The following ARHGAP44 variants were observed in gnomAD, a reference collection of about 807,000 sequenced individuals.
ARHGAP44 encodes the protein Rho GTPase activating protein 44, also known as rho GTPase-activating protein 44.
Under a neutral mutation model 106.8 loss-of-function variants are expected in ARHGAP44, and 43 were observed. That is an observed-to-expected ratio of 0.40 (90% CI 0.32 to 0.52). The LOEUF is 0.52. Among genes scored for constraint, ARHGAP44 ranks in the 20% least tolerant of loss-of-function variants. The probability of loss-of-function intolerance (pLI) is 0.48; values close to 1 mark genes in which losing one functional copy is unlikely to be tolerated. For missense variants in ARHGAP44, 866 were observed against 1,050.5 expected, an observed-to-expected ratio of 0.82 and a Z score of 2.43; for synonymous variants, 439 against 410.3, an observed-to-expected ratio of 1.07 and a Z score of -0.85.
chr17:12,827,638 G>A (rs1251707603), intron 1 of ARHGAP44, among the ~76,000 whole-genome samples: 2 of 151,888 alleles, frequency 1.3e-5, no homozygotes, highest in Non-Finnish European at 2.9e-5. Flanking sequence ...ACTCCCTAGA[G>A]GTCTAATGTA....
chr17:12,986,875 A>G, intron 20 of ARHGAP44: 1 of 447,062 alleles, frequency 2.2e-6, no homozygotes, highest in Non-Finnish European at 4.0e-6. Context: ...TTCAGGATTC[A>G]TAATGTCCCT....
intron 20 of ARHGAP44, chr17:12,987,229 G>T: frequency 7.6e-7 from 1 of 1,307,730 alleles, no homozygotes. Flanking sequence ...TCCGCTCCTC[G>T]TCTCTGCATG....
At chr17:12,987,446 C>T (rs979418122) in intron 20 of ARHGAP44, 6 of 339,076 alleles carry the variant, frequency 1.8e-5, no homozygotes, top group East Asian at 5.1e-5. Flanking sequence ...CCTCCCCCTC[C>T]GCCCTCCCTC....
chr17:12,917,012 A>G (rs139890552), intron 5 of ARHGAP44, among the ~76,000 whole-genome samples: 14 of 152,264 alleles, frequency 9.2e-5, no homozygotes, highest in Non-Finnish European at 1.2e-4. Context: ...GAGATGCTCA[A>G]CCGGTAAATA....
At chr17:12,849,372 G>A (rs1000042668) in intron 1 of ARHGAP44, among the ~76,000 whole-genome samples, 5 of 152,038 alleles carry the variant, frequency 3.3e-5, no homozygotes, top group Admixed American at 6.5e-5. Context: ...AGCCTGACCC[G>A]TACCAATCTG....
chr17:12,829,695 T>G (rs1289632258), intron 1 of ARHGAP44, among the ~76,000 whole-genome samples: 1 of 152,210 alleles, frequency 6.6e-6, no homozygotes, highest in Non-Finnish European at 1.5e-5. Context: ...TACTCTTTTC[T>G]TCTTTTGCAT....
At chr17:12,918,361 T>A (rs974735613) in intron 5 of ARHGAP44, among the ~76,000 whole-genome samples, 1 of 152,190 alleles carries the variant, frequency 6.6e-6, no homozygotes, top group African/African-American at 2.4e-5. Flanking sequence ...CCTCGAATTT[T>A]TTCCTTATAT....
intron 1 of ARHGAP44, among the ~76,000 whole-genome samples, chr17:12,814,992 C>T (rs1298808694): frequency 2.0e-5 from 3 of 152,168 alleles, no homozygotes. Context: ...TCCTCACCTT[C>T]TCCCACCCCT....
Position 12,958,944 on chromosome 17 carries a change from G to T in ARHGAP44, c.1523+47G>T, listed in dbSNP as rs1296395988. ...TCAGCACTGGGGATTAGGGGAGGTG[G>T]TGGGGGTGGATGGGTGACGCATAAG... is the stretch of plus-strand genomic sequence containing the variant. On this transcript the variant is annotated intron_variant, in intron 16 of 20. Transcript: ENST00000379672. The surrounding 1 kb of genome is among the most constrained non-coding windows in gnomAD (Gnocchi z 4.1). 2.6e-6 allele frequency: 4 copies of T among 1,567,910 alleles called. No homozygotes were observed. In the African/African-American group the frequency reaches 4.0e-5, roughly 16 times the overall value.
chr17:12,810,024 GAAGCATTTA>G (rs1342120534), intron 1 of ARHGAP44, among the ~76,000 whole-genome samples: 4 of 152,170 alleles, frequency 2.6e-5, no homozygotes, highest in African/African-American at 9.7e-5. Context: ...GGGTGGAACT[GAAGCATTTA>G]ATCAGGGCAG....
At chr17:12,802,970 T>TATATATATATATA (rs1491437778) in intron 1 of ARHGAP44, among the ~76,000 whole-genome samples, 3 of 22,800 alleles carry the variant, frequency 1.3e-4, no homozygotes, top group Non-Finnish European at 2.3e-4. Context: ...TATATATATA[T>TATATATATATATA]TTTTTTTTTT....
intron 18 of ARHGAP44, among the ~76,000 whole-genome samples, chr17:12,975,752 C>T (rs903967724): frequency 3.5e-5 from 5 of 143,746 alleles, no homozygotes; most frequent in African/African-American, 1.3e-4. Context: ...GAGCCCGGAT[C>T]GCGCCACTGC....
chr17:12,828,496 T>C (rs546436675), intron 1 of ARHGAP44, among the ~76,000 whole-genome samples: 1 of 152,022 alleles, frequency 6.6e-6, no homozygotes, highest in Non-Finnish European at 1.5e-5. Flanking sequence ...TATATATACA[T>C]GAAGTAAATG....
chr17:12,984,973 G>A (rs760174786), intron 20 of ARHGAP44, 65 bp downstream of exon 20: 2 of 1,523,320 alleles, frequency 1.3e-6, no homozygotes, highest in African/African-American at 2.8e-5. Context: ...CTAGGGGAGG[G>A]ATTGCTAGTG....
intron 1 of ARHGAP44, among the ~76,000 whole-genome samples, chr17:12,855,167 C>T (rs2035872221): frequency 6.6e-6 from 1 of 151,878 alleles, no homozygotes; most frequent in Admixed American, 6.6e-5. Flanking sequence ...CTTTATAAAC[C>T]CTGCCAGAGG....
Position 12,949,229 on chromosome 17 carries a change from G to A in ARHGAP44, c.951G>A (p.Ser317=), listed in dbSNP as rs149961555. 3.2e-5 allele frequency: 50 copies of A among 1,569,984 alleles called. No individual in the cohort carries two copies. The highest frequency in any genetic ancestry group is 2.8e-4 in the African/African-American group (21 of 73,894). Residue 317 remains serine (S), a synonymous_variant, in exon 11 of 21, where the codon TCG becomes TCA. Coordinates refer to ENST00000379672, the MANE Select transcript of ARHGAP44 (RefSeq NM_014859.6). The surrounding 1 kb of genome is among the most constrained non-coding windows in gnomAD (Gnocchi z 4.1). ...DCCVVDVQEY[S]ADPHAIAGAL... ...GCGTGGTGGATGTGCAGGAGTACTC[G>A]GCAGACCCCCACGCAATTGCAGGTG...
Position 12,929,846 on chromosome 17 carries a change from T to A in ARHGAP44, c.582+800T>A, listed in dbSNP as rs542464332. 1.3e-4 allele frequency among the ~76,000 whole-genome samples: 20 copies of A among 152,328 alleles called. No homozygotes were observed. In the South Asian group the frequency reaches 4.1e-3, roughly 32 times the overall value. On this transcript the variant is annotated intron_variant, in intron 7 of 20. Coordinates refer to ENST00000379672, the MANE Select transcript of ARHGAP44 (RefSeq NM_014859.6). ...AATCACATCCAGTTTTGAAGGAGAA[T>A]AACCAGTTTGCCTGTGGACATCTCT...
At chr17:12,976,539 G>A (rs959821280) in intron 18 of ARHGAP44, among the ~76,000 whole-genome samples, 1 of 151,312 alleles carries the variant, frequency 6.6e-6, no homozygotes, top group African/African-American at 2.4e-5. Context: ...CTTGAACCCA[G>A]GAGGCGGAGG....
chr17:12,857,765 G>GTTTAT lies in ARHGAP44; in HGVS notation c.54-37173_54-37172insTATTT, dbSNP rs796593109. Among the ~76,000 whole-genome samples the GTTTAT allele has an allele frequency of 1.5e-4, 22 of 145,544 alleles. 1 individual carries two copies. The highest frequency in any genetic ancestry group is 5.5e-4 in the African/African-American group (22 of 39,836). ...AAACTTTATTGCTTCGGTTGCCCAT[G>GTTTAT]TTATTTATTTATTTATTTATTTATT... On this transcript the variant is annotated intron_variant, in intron 1 of 20. Transcript: ENST00000379672.
Sources: allele counts gnomAD v4.1 joint callset (sites outside exome capture counted in the v4.1 genomes callset), GRCh38; gene constraint gnomAD v4.1.1; non-coding constraint Gnocchi (gnomAD v3.1); transcripts MANE v1.5; gene names NCBI Gene and HGNC (gene_info 2026-07-23, HGNC 2026-07-21).